The following NPR1 variants were observed in gnomAD, a reference collection of about 807,000 sequenced individuals.
The protein encoded by NPR1 is atrial natriuretic peptide receptor 1.
In NPR1, 57 loss-of-function variants were observed where a neutral mutation model predicts 116.9. That is an observed-to-expected ratio of 0.49 (90% CI 0.39 to 0.61). The LOEUF is 0.61. NPR1 is among the 20% of genes least tolerant of loss of function. The pLI is 0.00. For synonymous variants in NPR1, 555 were observed against 601.6 expected, an observed-to-expected ratio of 0.92 and a Z score of 1.13; for missense variants, 1,096 against 1,409.8, an observed-to-expected ratio of 0.78 and a Z score of 3.56.
At chr1:153,682,633 T>A (rs1029050075) in intron 5 of NPR1, 44 bp downstream of exon 5, 5 of 1,435,358 alleles carry the variant, frequency 3.5e-6, no homozygotes, top group African/African-American at 1.4e-5. Context: ...CCAAATGACA[T>A]CTCACCCTCC....
At position 153,693,382 on chromosome 1, in the gene NPR1, C is replaced by A. The variant is rs1202205744; in HGVS notation, c.3154C>A (p.Leu1052Ile). 2.5e-6 allele frequency: 4 copies of A among 1,612,928 alleles called. No individual in the cohort carries two copies. The highest frequency in any genetic ancestry group is 3.4e-6 in the Non-Finnish European group (4 of 1,179,458). Reference protein sequence around the residue: ...GKGKVRTYWLLGERGSSTRG With the variant: ...GKGKVRTYWLIGERGSSTRG ...AGGCAAGGTTCGGACCTACTGGCTC[C>A]TTGGGGAGAGGGGGAGTAGCACCCG... Residue 1052 changes from leucine to isoleucine, a missense_variant, in exon 22 of 22, where the codon CTT becomes ATT. By Grantham distance (5) the Leu-to-Ile change is conservative. Coordinates refer to ENST00000368680, the MANE Select transcript of NPR1 (RefSeq NM_000906.4).
chr1:153,685,865 G>T lies in NPR1; in HGVS notation c.1665G>T (p.Lys555Asn), dbSNP rs753581611. 1 of 1,613,940 alleles carries T rather than the reference G, an allele frequency of 6.2e-7. No individual in the cohort carries two copies. Among genetic ancestry groups the T allele is most frequent in the African/African-American group, 1.3e-5 (1 of 74,902 alleles). The change falls in exon 9 of 22, where the codon AAG becomes AAT. Residue 555 changes from lysine to asparagine, a missense_variant. Coordinates refer to ENST00000368680, the MANE Select transcript of NPR1 (RefSeq NM_000906.4). ...AGGGCCAGTTCCAAGTCTTTGCCAA[G>T]ACAGCATATTATAAGGTGGGCCTGG... ...TTEGQFQVFA[K>N]TAYYKGNLVA...
At position 153,681,219 on chromosome 1, in the gene NPR1, G is replaced by A. The variant is rs559384888; in HGVS notation, c.961G>A (p.Glu321Lys). The A allele has an allele frequency of 6.6e-5, 106 of 1,613,302 alleles. 2 individuals carry two copies. The highest frequency in any genetic ancestry group is 4.8e-4 in the South Asian group (44 of 91,034). The change falls in exon 3 of 22, where the codon GAG (glutamate) becomes AAG (lysine). Residue 321 changes from glutamate (E) to lysine (K), a missense_variant. By Grantham distance (56) the Glu-to-Lys change is moderately conservative. Coordinates refer to ENST00000368680, the MANE Select transcript of NPR1 (RefSeq NM_000906.4). ...IITYKDPDNPEYLEFLKQLKH... is the reference protein window; with the variant it reads ...IITYKDPDNPKYLEFLKQLKH... ...TACATATAAAGACCCAGATAATCCC[G>A]AGTACTTGGAATTCCTGAAGCAGTT...
intron 5 of NPR1, 21 bp downstream of exon 5, chr1:153,682,610 G>C: frequency 6.3e-7 from 1 of 1,575,140 alleles, no homozygotes; most frequent in Non-Finnish European, 8.7e-7. Context: ...GCACCCAGAA[G>C]ACAGTGCCAA....
chr1:153,683,860 G>C (rs772794749), intron 7 of NPR1, 36 bp downstream of exon 7: 76 of 1,592,766 alleles, frequency 4.8e-5, no homozygotes, highest in Non-Finnish European at 6.4e-5. Context: ...TGAGGCTGGG[G>C]GACCCGGAGA....
intron 20 of NPR1, among the ~76,000 whole-genome samples, chr1:153,691,981 C>G (rs1325010322): frequency 1.3e-5 from 2 of 152,042 alleles, no homozygotes; most frequent in African/African-American, 4.8e-5. Context: ...GAAGTAGGGA[C>G]ATGAGTTCAG....
intron 6 of NPR1, 111 bp from the exon 7 acceptor site, chr1:153,683,629 T>A: frequency 6.5e-7 from 1 of 1,545,680 alleles, no homozygotes; most frequent in East Asian, 2.2e-5. Flanking sequence ...GACTCCTGCC[T>A]TTTTCTTCCC....
intron 2 of NPR1, 60 bp downstream of exon 2, chr1:153,680,760 CT>C (rs1445908227): frequency 7.3e-7 from 1 of 1,366,416 alleles, no homozygotes; most frequent in Non-Finnish European, 1.0e-6. Flanking sequence ...TTTCTGGGCA[CT>C]GTGTCCCTCA....
Position 153,693,390 on chromosome 1 carries a change from G to A in NPR1, c.3162G>A (p.Glu1054=), listed in dbSNP as rs1477680502. The change falls in exon 22 of 22, where the codon GAG becomes GAA. Residue 1054 remains glutamate, a synonymous_variant. Coordinates refer to ENST00000368680, the MANE Select transcript of NPR1 (RefSeq NM_000906.4). ...TTCGGACCTACTGGCTCCTTGGGGA[G>A]AGGGGGAGTAGCACCCGAGGCTGAC... ...GKVRTYWLLG[E]RGSSTRG 5 of 1,612,446 alleles carry A rather than the reference G, an allele frequency of 3.1e-6. No individual in the cohort carries two copies. Among genetic ancestry groups the A allele is most frequent in the Admixed American group, 1.7e-5 (1 of 59,842 alleles).
chr1:153,688,223 T>A lies in NPR1; in HGVS notation c.2417+2T>A, dbSNP rs748105207. Reference sequence around the variant, plus strand: ...CCTGACGTTGCGCAAATTTAACAGGTCCCTGGTGTTTGTCATGGATCCCCC... The same window carrying A: ...CCTGACGTTGCGCAAATTTAACAGGACCCTGGTGTTTGTCATGGATCCCCC... On this transcript the variant is annotated splice_donor_variant, in intron 15 of 21. Transcript: ENST00000368680. LOFTEE classifies it high-confidence loss of function. 6.2e-7 allele frequency: 1 copy of A among 1,612,518 alleles called. No homozygotes were observed. The highest frequency in any genetic ancestry group is 8.5e-7 in the Non-Finnish European group (1 of 1,179,048).
Position 153,681,265 on chromosome 1 carries a change from A to G in NPR1, c.1007A>G (p.Gln336Arg), listed in dbSNP as rs201080199. ...LKQLKHLAYE[Q>R]FNFTMEDGLV... ...CAGTTAAAACACCTGGCCTATGAGC[A>G]GTTCAACTTCACCATGGAGGATGGC... The change falls in exon 3 of 22, where the codon CAG becomes CGG. Residue 336 changes from glutamine (Q) to arginine (R), a missense_variant. Transcript: ENST00000368680. 25 of 1,612,124 alleles carry G rather than the reference A, an allele frequency of 1.6e-5. No individual in the cohort carries two copies. The highest frequency in any genetic ancestry group is 2.1e-5 in the Non-Finnish European group (25 of 1,178,474).
At position 153,683,813 on chromosome 1, in the gene NPR1, C is replaced by T. The variant is rs756227296; in HGVS notation, c.1473C>T (p.Phe491=). ...LSLLGILIVS[F]FIYRKMQLEK... ...TGCTCGGCATTCTGATTGTCTCCTTCTTCATATACAGGTGAGCTGTGATGT... is the reference window on the plus strand; with the variant it reads ...TGCTCGGCATTCTGATTGTCTCCTTTTTCATATACAGGTGAGCTGTGATGT... The change falls in exon 7 of 22, where the codon TTC becomes TTT. Residue 491 remains phenylalanine, a synonymous_variant. Coordinates refer to ENST00000368680, the MANE Select transcript of NPR1 (RefSeq NM_000906.4). 1 of 1,613,790 alleles carries T rather than the reference C, an allele frequency of 6.2e-7. No homozygotes were observed. Among genetic ancestry groups the T allele is most frequent in the Non-Finnish European group, 8.5e-7 (1 of 1,179,960 alleles).
Position 153,689,841 on chromosome 1 carries a change from A to G in NPR1, c.2793A>G (p.Ser931=), listed in dbSNP as rs2101739270. 6.3e-7 allele frequency: 1 copy of G among 1,587,272 alleles called. No homozygotes were observed. Among genetic ancestry groups the G allele is most frequent in the African/African-American group, 1.3e-5 (1 of 74,578 alleles). The part of the protein sequence containing the change: ...ETIGDAYMVV[S]GLPVRNGRLH... The stretch of plus-strand genomic sequence containing the variant: ...TTGGCGATGCCTACATGGTGGTGTC[A>G]GGGCTCCCTGTGCGGAACGGGCGGC... Residue 931 remains serine, a synonymous_variant, in exon 19 of 22, where the codon TCA becomes TCG. Transcript: ENST00000368680. The surrounding 1 kb of genome is among the most constrained non-coding windows in gnomAD (Gnocchi z 5.1).
At position 153,685,003 on chromosome 1, in the gene NPR1, G is replaced by A. The variant is rs1295293698; in HGVS notation, c.1524G>A (p.Trp508Ter). The A allele has an allele frequency of 6.2e-7, 1 of 1,614,110 alleles. No individual in the cohort carries two copies. Among genetic ancestry groups the A allele is most frequent in the Non-Finnish European group, 8.5e-7 (1 of 1,179,974 alleles). ...QLEKELASEL[W>*]RVRWEDVEPS... ...AGAAGGAACTGGCCTCGGAGCTGTG[G>A]CGGGTGCGCTGGGAGGACGTTGAGC... The change falls in exon 8 of 22, where the codon TGG (tryptophan) becomes TGA (stop). Residue 508 changes from tryptophan to a stop codon, truncating the protein, a stop_gained. Transcript: ENST00000368680. LOFTEE classifies it high-confidence loss of function.
At position 153,693,186 on chromosome 1, in the gene NPR1, G is replaced by A. The variant is rs1202052012; in HGVS notation, c.3112G>A (p.Val1038Ile). Residue 1038 changes from valine to isoleucine, a missense_variant, in exon 21 of 22, where the codon GTA becomes ATA. Transcript: ENST00000368680. The stretch of plus-strand genomic sequence containing the variant: ...TTTCGAGCTGGAGCTTCGAGGGGAT[G>A]TAGAAATGAAGGTAGAGGGAGAAGC... ...GGFELELRGD[V>I]EMKGKGKVRT... The A allele has an allele frequency of 1.2e-6, 2 of 1,614,030 alleles. No individual in the cohort carries two copies. The highest frequency in any genetic ancestry group is 1.3e-5 in the African/African-American group (1 of 75,050).
rs759308171 is a variant in NPR1, at chr1:153,683,376, G to A, written c.1264G>A (p.Val422Ile). The part of the protein sequence containing the change: ...DMDPENGAFR[V>I]VLNYNGTSQE... ...AGCCACCACTCCTGCTCTCCCTTAG[G>A]TTGTACTGAACTACAATGGGACTTC... The change falls in exon 6 of 22, where the codon GTT becomes ATT. Residue 422 changes from valine (V) to isoleucine (I), a missense_variant and splice_region_variant. Physicochemically the swap from Val to Ile is conservative, Grantham distance 29. Transcript: ENST00000368680. 11 of 1,613,904 alleles carry A rather than the reference G, an allele frequency of 6.8e-6. No individual in the cohort carries two copies. The highest frequency in any genetic ancestry group is 4.0e-5 in the African/African-American group (3 of 74,924).
At chr1:153,688,870 G>C in intron 15 of NPR1, 83 bp from the exon 16 acceptor site, 13 of 1,560,484 alleles carry the variant, frequency 8.3e-6, no homozygotes, top group Non-Finnish European at 1.1e-5. Flanking sequence ...GCAGTCTGGA[G>C]GGGGAAGTGC....
At chr1:153,692,883 A>T (rs764861363) in intron 20 of NPR1, among the ~76,000 whole-genome samples, 1 of 152,138 alleles carries the variant, frequency 6.6e-6, no homozygotes, top group Non-Finnish European at 1.5e-5. Context: ...TGGCTACTGT[A>T]TTGGATTACA....
In NPR1 at chr1:153,679,439, G is replaced by C. The variant is rs762815604; in HGVS notation, c.331G>C (p.Ala111Pro). The C allele has an allele frequency of 6.5e-7, 1 of 1,543,240 alleles. No homozygotes were observed. The highest frequency in any genetic ancestry group is 8.7e-7 in the Non-Finnish European group (1 of 1,148,950). The change falls in exon 1 of 22, where the codon GCT becomes CCT. Residue 111 changes from alanine (A) to proline (P), a missense_variant. Transcript: ENST00000368680. This position sits in a 1 kb window ranked among gnomAD's most constrained non-coding sequence, Gnocchi z 4.2. ...GGACCTCAAGTGGGAGCACAACCCC[G>C]CTGTGTTCCTGGGCCCCGGCTGCGT... ...AVDLKWEHNP[A>P]VFLGPGCVYA... is the part of the protein sequence containing the mutation.
Sources: gnomAD v4.1 joint callset for allele counts (sites outside exome capture counted in the v4.1 genomes callset) on GRCh38, gnomAD v4.1.1 for gene constraint, Gnocchi (gnomAD v3.1) non-coding constraint, MANE v1.5 for transcripts, NCBI Gene and HGNC (gene_info 2026-07-23, HGNC 2026-07-21) for gene names.